The following NCOA2 variants were observed in gnomAD, a reference collection of about 807,000 sequenced individuals.
NCOA2 encodes nuclear receptor coactivator 2, also known as class E basic helix-loop-helix protein 75.
In NCOA2, 21 loss-of-function variants were observed where a neutral mutation model predicts 145.1. The ratio of observed to expected loss-of-function variants is 0.14; its 90% CI spans 0.10 to 0.21. The LOEUF (loss-of-function observed/expected upper bound fraction) is 0.21. NCOA2 is among the 10% of genes least tolerant of loss of function. The probability of loss-of-function intolerance (pLI) is 1.00; values close to 1 mark genes in which losing one functional copy is unlikely to be tolerated. For synonymous variants in NCOA2, 619 were observed against 637.5 expected (o/e 0.97, Z 0.44); for missense variants, 1,472 against 1,837.6 (o/e 0.80, Z 3.64).
chr8:70,179,292 T>C (rs976071321), intron 4 of NCOA2, among the ~76,000 whole-genome samples: 1 of 152,202 alleles, frequency 6.6e-6, no homozygotes, highest in African/African-American at 2.4e-5. Context: ...CTCAGAAATA[T>C]GGCTTTACCA....
the NCOA2 span, among the ~76,000 whole-genome samples, chr8:70,424,729 A>G: frequency 6.6e-6 from 1 of 152,240 alleles, no homozygotes; most frequent in Non-Finnish European, 1.5e-5. Flanking sequence ...GCAGCCACAG[A>G]CAATGTGAAA....
At chr8:70,166,231 G>A (rs1269447534) in intron 7 of NCOA2, among the ~76,000 whole-genome samples, 1 of 152,132 alleles carries the variant, frequency 6.6e-6, no homozygotes, top group Non-Finnish European at 1.5e-5. Context: ...TACAGTAGCC[G>A]CTAACTGCAT....
At chr8:70,450,266 G>A in the NCOA2 span, among the ~76,000 whole-genome samples, 5 of 152,326 alleles carry the variant, frequency 3.3e-5, no homozygotes, top group Admixed American at 3.3e-4. Context: ...AGTATCAGAA[G>A]GTGGGGCATG....
rs1489950529 is a variant in NCOA2 at position 70,156,015 on chromosome 8, T to C, written c.2350A>G (p.Met784Val). 4 of 1,600,228 alleles carry C rather than the reference T, an allele frequency of 2.5e-6. No homozygotes were observed. The highest frequency in any genetic ancestry group is 1.1e-5 in the South Asian group (1 of 88,642). Residue 784 changes from methionine (M) to valine (V), a missense_variant, in exon 11 of 23, where the codon ATG becomes GTG. Met to Val is a conservative substitution (Grantham distance 21, BLOSUM62 1). Coordinates refer to ENST00000452400, the MANE Select transcript of NCOA2 (RefSeq NM_006540.4). ...DPASNTKLIA[M>V]KTEKEEMSFE... Reference sequence around the variant, plus strand: ...CTCATCTCCTCCTTCTCAGTTTTCATTGCTATTAATTTTGTGTTACTGGCA... The same window carrying C: ...CTCATCTCCTCCTTCTCAGTTTTCACTGCTATTAATTTTGTGTTACTGGCA...
upstream of NCOA2, among the ~76,000 whole-genome samples, chr8:70,407,709 A>G (rs1201191395): frequency 6.6e-6 from 1 of 152,092 alleles, no homozygotes; most frequent in East Asian, 1.9e-4. Flanking sequence ...AGGCAGGAGA[A>G]TTGTTTGAAC....
At chr8:70,133,571 A>G (rs1257996296) in intron 15 of NCOA2, among the ~76,000 whole-genome samples, 1 of 152,214 alleles carries the variant, frequency 6.6e-6, no homozygotes, top group Non-Finnish European at 1.5e-5. Context: ...GAATACTAAA[A>G]GGGAAAATGG....
chr8:70,444,728 C>G, the NCOA2 span, among the ~76,000 whole-genome samples: 1 of 152,112 alleles, frequency 6.6e-6, no homozygotes, highest in Non-Finnish European at 1.5e-5. Flanking sequence ...TTTCTCTGAA[C>G]CTGGGGCTGT....
intron 3 of NCOA2, among the ~76,000 whole-genome samples, chr8:70,215,032 A>G (rs947519193): frequency 6.6e-6 from 1 of 152,196 alleles, no homozygotes; most frequent in Non-Finnish European, 1.5e-5. Flanking sequence ...AATACATACT[A>G]TAATACAATG....
chr8:70,410,549 G>A, the NCOA2 span, among the ~76,000 whole-genome samples: 14 of 151,992 alleles, frequency 9.2e-5, no homozygotes, highest in African/African-American at 2.7e-4. Context: ...TGCCCAGGCT[G>A]GTCTTGAACT....
the NCOA2 span, among the ~76,000 whole-genome samples, chr8:70,441,380 A>G: frequency 6.4e-5 from 7 of 108,640 alleles, no homozygotes; most frequent in Non-Finnish European, 1.4e-4. Flanking sequence ...AGAGAAAGAA[A>G]GAAGAAAGAG....
chr8:70,455,325 G>T, the NCOA2 span, among the ~76,000 whole-genome samples: 1 of 152,148 alleles, frequency 6.6e-6, no homozygotes, highest in African/African-American at 2.4e-5. Context: ...TGATTATTTT[G>T]TTCTTTCTTC....
chr8:70,344,313 A>C (rs976235535), intron 1 of NCOA2, among the ~76,000 whole-genome samples: 3 of 152,194 alleles, frequency 2.0e-5, no homozygotes, highest in African/African-American at 7.2e-5. Context: ...GTAGGTACTA[A>C]GCTTGAGAGA....
chr8:70,377,861 G>A (rs1163817960), intron 1 of NCOA2, among the ~76,000 whole-genome samples: 1 of 152,114 alleles, frequency 6.6e-6, no homozygotes, highest in Non-Finnish European at 1.5e-5. Flanking sequence ...AAAAGCACAG[G>A]ATTTTAATTA....
At chr8:70,250,592 T>G (rs1823080694) in intron 2 of NCOA2, among the ~76,000 whole-genome samples, 2 of 151,972 alleles carry the variant, frequency 1.3e-5, no homozygotes, top group South Asian at 4.2e-4. Flanking sequence ...AATGTTTATA[T>G]AACTTCTGAA....
upstream of NCOA2, among the ~76,000 whole-genome samples, chr8:70,406,784 T>C (rs1814788773): frequency 6.6e-6 from 1 of 152,234 alleles, no homozygotes; most frequent in South Asian, 2.1e-4. Flanking sequence ...CTCACTTTTT[T>C]CATAAGTAAA....
At chr8:70,127,121 G>A in intron 18 of NCOA2, 74 bp from the exon 19 acceptor site, 1 of 1,064,220 alleles carries the variant, frequency 9.4e-7, no homozygotes, top group South Asian at 1.4e-5. Flanking sequence ...GAGTATTATA[G>A]AGAGGCTAGC....
At chr8:70,119,606 T>G (rs1009052365) in intron 22 of NCOA2, among the ~76,000 whole-genome samples, 3 of 152,210 alleles carry the variant, frequency 2.0e-5, no homozygotes, top group African/African-American at 7.2e-5. Flanking sequence ...AAATGATAAT[T>G]CTGTTTTTAG....
chr8:70,140,712 T>G (rs1810307161), intron 14 of NCOA2, among the ~76,000 whole-genome samples: 1 of 146,672 alleles, frequency 6.8e-6, no homozygotes, highest in African/African-American at 2.5e-5. Flanking sequence ...TTCTCCTGCC[T>G]CAGCATCCTG....
rs753608923 is a variant in NCOA2, at chr8:70,121,376, G to C, written c.4309C>G (p.Leu1437Val). 6.2e-7 allele frequency: 1 copy of C among 1,611,482 alleles called. No individual in the cohort carries two copies. Among genetic ancestry groups the C allele is most frequent in the African/African-American group, 1.3e-5 (1 of 74,900 alleles). The change falls in exon 22 of 23, where the codon CTG (leucine) becomes GTG (valine). Residue 1437 changes from leucine to valine, a missense_variant. Leu to Val is a conservative substitution (Grantham distance 32, BLOSUM62 1). Around this residue, in one of 4 missense-constraint regions of NCOA2, gnomAD observed 232 missense variants for 290.6 expected, o/e 0.80. Transcript: ENST00000452400. Reference protein sequence around the residue: ...MGPEQVNDPALRGGNLFPNQL... With the variant: ...MGPEQVNDPAVRGGNLFPNQL... Reference sequence around the variant, plus strand: ...TTTGGGAACAGGTTGCCTCCCCTCAGAGCAGGATCATTAACCTAAGGACAA... The same window carrying C: ...TTTGGGAACAGGTTGCCTCCCCTCACAGCAGGATCATTAACCTAAGGACAA...
Sources: allele counts gnomAD v4.1 joint callset (sites outside exome capture counted in the v4.1 genomes callset), GRCh38; gene constraint gnomAD v4.1.1; regional missense constraint gnomAD v4.1.1; transcripts MANE v1.5; gene names NCBI Gene and HGNC (gene_info 2026-07-23, HGNC 2026-07-21).